Variants in COL25A1 observed in about 807,000 individuals in gnomAD.
COL25A1 encodes collagen type XXV alpha 1 chain, also known as collagen alpha-1(XXV) chain.
In COL25A1, 103 loss-of-function variants were observed where a neutral mutation model predicts 128.4. The ratio of observed to expected loss-of-function variants is 0.80; its 90% CI spans 0.68 to 0.94. The LOEUF is 0.94. Ranked by LOEUF, COL25A1 falls within the 40% of genes least tolerant of loss-of-function variation. The pLI is 0.00. For synonymous variants in COL25A1, 279 were observed against 277.2 expected (o/e 1.01, Z -0.06); for missense variants, 745 against 840.0 (o/e 0.89, Z 1.40).
intron 8 of COL25A1, among the ~76,000 whole-genome samples, chr4:108,951,841 G>C (rs991942258): frequency 2.6e-5 from 4 of 152,178 alleles, no homozygotes; most frequent in African/African-American, 7.2e-5. Context: ...TTGATGGTTT[G>C]ATTACAGGGT....
intron 3 of COL25A1, among the ~76,000 whole-genome samples, chr4:109,173,265 A>G (rs1025607502): frequency 1.6e-4 from 24 of 151,962 alleles, no homozygotes; most frequent in African/African-American, 5.6e-4. Flanking sequence ...TAAAAAAAAA[A>G]ATAGTAGAGA....
At chr4:108,983,605 A>T in intron 6 of COL25A1, among the ~76,000 whole-genome samples, 1 of 152,178 alleles carries the variant, frequency 6.6e-6, no homozygotes, top group East Asian at 1.9e-4. Context: ...CCTCGCAGTG[A>T]GTGTTACAGC....
intron 20 of COL25A1, 109 bp from the exon 21 acceptor site, chr4:108,863,496 G>T: frequency 1.2e-6 from 1 of 808,112 alleles, no homozygotes; most frequent in African/African-American, 1.8e-5. Context: ...AGTTTTCATT[G>T]ATTTACCCTG....
intron 3 of COL25A1, among the ~76,000 whole-genome samples, chr4:109,291,705 G>A (rs975553758): frequency 6.6e-6 from 1 of 151,852 alleles, no homozygotes; most frequent in African/African-American, 2.4e-5. Context: ...AAATATAAGG[G>A]AAGAAATTTG....
At chr4:109,228,263 TC>T (rs1226873171) in intron 3 of COL25A1, among the ~76,000 whole-genome samples, 1 of 152,150 alleles carries the variant, frequency 6.6e-6, no homozygotes, top group African/African-American at 2.4e-5. Flanking sequence ...TTCTAGGTAC[TC>T]CTTAATTCAG....
At chr4:109,231,502 G>A (rs1009605295) in intron 3 of COL25A1, among the ~76,000 whole-genome samples, 2 of 152,172 alleles carry the variant, frequency 1.3e-5, no homozygotes, top group Admixed American at 6.5e-5. Flanking sequence ...AAAATTCACA[G>A]AGAAATCCAG....
At chr4:109,185,843 C>A (rs992227022) in intron 3 of COL25A1, among the ~76,000 whole-genome samples, 2 of 152,128 alleles carry the variant, frequency 1.3e-5, no homozygotes, top group African/African-American at 2.4e-5. Context: ...GAGCACACAG[C>A]AAGAAGCCAG....
intron 30 of COL25A1, among the ~76,000 whole-genome samples, chr4:108,842,551 G>T (rs1038833631): frequency 6.6e-6 from 1 of 152,100 alleles, no homozygotes; most frequent in Admixed American, 6.6e-5. Context: ...TTATAAAACT[G>T]CAGGAAAAAG....
At chr4:108,825,337 ATGTG>A in intron 33 of COL25A1, 115 bp from the exon 34 acceptor site, 1 of 814,970 alleles carries the variant, frequency 1.2e-6, no homozygotes, top group Non-Finnish European at 2.1e-6. Context: ...TACTTCAGAA[ATGTG>A]AAAAAGATTC....
At chr4:108,859,469 T>A (rs1736906481) in intron 24 of COL25A1, among the ~76,000 whole-genome samples, 187 bp downstream of exon 24, 2 of 152,310 alleles carry the variant, frequency 1.3e-5, no homozygotes, top group Middle Eastern at 3.4e-3. Context: ...TGAAAAATGC[T>A]ACAAAATAAA....
At chr4:109,247,471 CA>C (rs2126238656) in intron 3 of COL25A1, among the ~76,000 whole-genome samples, 1 of 152,254 alleles carries the variant, frequency 6.6e-6, no homozygotes, top group East Asian at 1.9e-4. Flanking sequence ...AGCAAAACAG[CA>C]ATTAAGACCA....
intron 11 of COL25A1, among the ~76,000 whole-genome samples, chr4:108,930,318 C>T (rs977766159): frequency 2.6e-5 from 4 of 152,132 alleles, no homozygotes; most frequent in Non-Finnish European, 4.4e-5. Context: ...AGAGAACATG[C>T]TCATCTCTAT....
chr4:108,855,706 A>G lies in COL25A1; in HGVS notation c.1321-2781T>C, dbSNP rs372849730. On this transcript the variant is annotated intron_variant, in intron 24 of 37. Coordinates refer to ENST00000399132, the MANE Select transcript of COL25A1 (RefSeq NM_198721.4). ...AACTGACCTAACAGATGGAGTTTAA[A>G]TGATTTTGTTAAATAACTATGTTTG... 5.4e-4 allele frequency among the ~76,000 whole-genome samples: 82 copies of G among 152,302 alleles called. No individual in the cohort carries two copies. The South Asian group carries it at 0.017, about 31-fold the overall frequency.
At chr4:109,012,511 C>G (rs1561023035) in intron 5 of COL25A1, among the ~76,000 whole-genome samples, 2 of 152,174 alleles carry the variant, frequency 1.3e-5, no homozygotes, top group African/African-American at 4.8e-5. Context: ...GCGTGCAGCG[C>G]TCGTGGGCCA....
At chr4:108,897,575 T>C (rs1578695321) in intron 15 of COL25A1, among the ~76,000 whole-genome samples, 1 of 152,170 alleles carries the variant, frequency 6.6e-6, no homozygotes, top group African/African-American at 2.4e-5. Flanking sequence ...ATAGAAAGGA[T>C]AATTTACACA....
intron 5 of COL25A1, among the ~76,000 whole-genome samples, chr4:109,030,812 G>A (rs1445774291): frequency 6.6e-6 from 1 of 152,088 alleles, no homozygotes; most frequent in Non-Finnish European, 1.5e-5. Flanking sequence ...GAGTGCAGTG[G>A]CACCATCACA....
chr4:108,945,871 C>A (rs113005658), intron 8 of COL25A1, among the ~76,000 whole-genome samples: 1,581 of 152,100 alleles, frequency 0.01, 15 homozygotes, highest in Middle Eastern at 0.021. Flanking sequence ...CACCATGTTG[C>A]CCAGGCTGGT....
At chr4:109,068,056 T>C (rs1762607005) in intron 3 of COL25A1, among the ~76,000 whole-genome samples, 1 of 152,194 alleles carries the variant, frequency 6.6e-6, no homozygotes, top group African/African-American at 2.4e-5. Context: ...GTGCGTGCCA[T>C]TGCTTTCGGT....
intron 13 of COL25A1, among the ~76,000 whole-genome samples, chr4:108,912,724 C>G (rs1744376750): frequency 6.6e-6 from 1 of 152,104 alleles, no homozygotes; most frequent in Non-Finnish European, 1.5e-5. Context: ...TTGTATCATT[C>G]ACTGCATAGA....
Sources: gnomAD v4.1 joint callset for allele counts (sites outside exome capture counted in the v4.1 genomes callset) on GRCh38, gnomAD v4.1.1 for gene constraint, MANE v1.5 for transcripts, NCBI Gene and HGNC (gene_info 2026-07-23, HGNC 2026-07-21) for gene names.